Variants in ELAVL4 observed in about 807,000 individuals in gnomAD.
The protein encoded by ELAVL4 is ELAV-like protein 4.
A neutral mutation model predicts 35.6 loss-of-function variants in ELAVL4; 1 was observed. That is an observed-to-expected ratio of 0.03 (90% confidence interval 0.01 to 0.13). The LOEUF is 0.13. Among genes scored for constraint, ELAVL4 ranks in the 10% least tolerant of loss-of-function variants. The pLI, the probability that ELAVL4 is intolerant of heterozygous loss-of-function variation, is 1.00. For synonymous variants in ELAVL4, 156 were observed against 171.0 expected (o/e 0.91, Z 0.69); for missense variants, 267 against 464.9 (o/e 0.57, Z 3.91).
chr1:50,055,682 T>C (rs1484968757), intron 1 of ELAVL4, among the ~76,000 whole-genome samples: 1 of 151,924 alleles, frequency 6.6e-6, no homozygotes, highest in Non-Finnish European at 1.5e-5. Context: ...CCTTCAAAAT[T>C]CTATATAGGC....
chr1:50,127,314 G>C (rs1670104243), intron 1 of ELAVL4, among the ~76,000 whole-genome samples: 1 of 152,082 alleles, frequency 6.6e-6, no homozygotes, highest in Admixed American at 6.5e-5. Context: ...CTGTCAGTGG[G>C]GAGACAGGCA....
upstream of ELAVL4, chr1:50,104,111 C>A: frequency 8.7e-7 from 1 of 1,151,638 alleles, no homozygotes; most frequent in Non-Finnish European, 1.3e-6. Context: ...CTTAAAAACC[C>A]GCTTCATCTT....
chr1:50,117,469 G>A (rs535407192), intron 1 of ELAVL4, among the ~76,000 whole-genome samples: 64 of 152,244 alleles, frequency 4.2e-4, no homozygotes, highest in African/African-American at 1.5e-3. Context: ...ACTGGCAAGT[G>A]CAAAGGACTT....
chr1:50,058,257 A>G (rs1485650251), intron 1 of ELAVL4, among the ~76,000 whole-genome samples: 4 of 152,188 alleles, frequency 2.6e-5, no homozygotes, highest in Non-Finnish European at 4.4e-5. Flanking sequence ...ACAGATTTAA[A>G]TTTACAAAAC....
intron 1 of ELAVL4, among the ~76,000 whole-genome samples, chr1:50,088,607 A>C (rs757948804): frequency 6.6e-6 from 1 of 152,192 alleles, no homozygotes. Context: ...GAGATCTAAA[A>C]ATGTGTGGTC....
chr1:50,085,812 CT>C (rs2148500556), intron 1 of ELAVL4, among the ~76,000 whole-genome samples: 1 of 152,312 alleles, frequency 6.6e-6, no homozygotes, highest in South Asian at 2.1e-4. Context: ...CAATATAAAG[CT>C]CTTGAACCTG....
At chr1:50,145,428 A>G (rs1428572303) in intron 2 of ELAVL4, among the ~76,000 whole-genome samples, 1 of 152,102 alleles carries the variant, frequency 6.6e-6, no homozygotes, top group Non-Finnish European at 1.5e-5. Context: ...ATGTAAAATG[A>G]TCCTTTGATT....
chr1:50,117,262 C>T (rs191795985), intron 1 of ELAVL4, among the ~76,000 whole-genome samples: 2 of 152,192 alleles, frequency 1.3e-5, no homozygotes, highest in Admixed American at 6.5e-5. Context: ...TCAGATGGGG[C>T]TAAAAACATA....
At chr1:50,129,862 G>A (rs1485556841) in intron 1 of ELAVL4, among the ~76,000 whole-genome samples, 2 of 152,168 alleles carry the variant, frequency 1.3e-5, no homozygotes, top group Non-Finnish European at 1.5e-5. Flanking sequence ...CAAGGAAAAT[G>A]AACATGTACT....
At chr1:50,147,731 C>T (rs1220600347) in intron 2 of ELAVL4, among the ~76,000 whole-genome samples, 1 of 152,098 alleles carries the variant, frequency 6.6e-6, no homozygotes, top group African/African-American at 2.4e-5. Flanking sequence ...GATCTCAATG[C>T]ATCTCGATCC....
chr1:50,191,622 G>T (rs1225938689), intron 3 of ELAVL4, among the ~76,000 whole-genome samples: 1 of 152,130 alleles, frequency 6.6e-6, no homozygotes, highest in Non-Finnish European at 1.5e-5. Context: ...TAGATGGAGA[G>T]GTGGTCAGTT....
intron 1 of ELAVL4, among the ~76,000 whole-genome samples, chr1:50,081,417 T>C (rs545379232): frequency 6.6e-6 from 1 of 152,338 alleles, no homozygotes; most frequent in South Asian, 2.1e-4. Context: ...TAGCTTTCAC[T>C]AGCACTTTAA....
intron 2 of ELAVL4, among the ~76,000 whole-genome samples, chr1:50,175,150 C>A (rs931516387): frequency 2.6e-5 from 4 of 151,996 alleles, no homozygotes; most frequent in African/African-American, 9.7e-5. Context: ...TTTTGTACAG[C>A]AATTTTTAAA....
upstream of ELAVL4, among the ~76,000 whole-genome samples, chr1:50,099,025 A>G (rs1438553042): frequency 2.6e-5 from 4 of 152,238 alleles, no homozygotes; most frequent in East Asian, 1.9e-4. Flanking sequence ...GCTTTTTATA[A>G]TAAGTCAGCA....
chr1:50,119,199 GGTGT>G (rs1407340724), intron 1 of ELAVL4, among the ~76,000 whole-genome samples: 1 of 152,104 alleles, frequency 6.6e-6, no homozygotes, highest in African/African-American at 2.4e-5. Flanking sequence ...GGATTTTGCA[GGTGT>G]GTGTCTATAC....
At chr1:50,053,893 A>G (rs1663526788) in intron 1 of ELAVL4, among the ~76,000 whole-genome samples, 1 of 152,246 alleles carries the variant, frequency 6.6e-6, no homozygotes, top group East Asian at 1.9e-4. Flanking sequence ...TCTTGAATAC[A>G]GTAGGCCTCA....
Position 50,201,316 on chromosome 1 carries a change from T to C in ELAVL4, c.*138T>C. On this transcript the variant is annotated 3_prime_UTR_variant, in exon 7 of 7. Coordinates refer to ENST00000371824, the MANE Select transcript of ELAVL4 (RefSeq NM_001144774.3). The surrounding 1 kb of genome is among the most constrained non-coding windows in gnomAD (Gnocchi z 4.3). ...TTCAACCATGGACTTTATAAGCCAG[T>C]GTTGCCTAAGTATTAAAACATTGGA... 1 of 1,071,798 alleles carries C rather than the reference T, an allele frequency of 9.3e-7. No homozygotes were observed. The highest frequency in any genetic ancestry group is 1.3e-6 in the Non-Finnish European group (1 of 794,456). The allele number at this position is 1,071,798 out of a possible 1,614,324, so 66.4% of individuals were successfully genotyped here. A position where few individuals can be genotyped will look rare whatever the true frequency, so the allele number is the denominator to read the frequency against.
At chr1:50,166,675 C>A (rs1042016587) in intron 2 of ELAVL4, among the ~76,000 whole-genome samples, 1 of 152,120 alleles carries the variant, frequency 6.6e-6, no homozygotes, top group African/African-American at 2.4e-5. Flanking sequence ...TTGTAGCTTC[C>A]CATTGACCTT....
chr1:50,139,197 A>G (rs1011085485), intron 1 of ELAVL4, among the ~76,000 whole-genome samples: 4 of 152,174 alleles, frequency 2.6e-5, no homozygotes, highest in African/African-American at 9.7e-5. Flanking sequence ...AAGCTAATGG[A>G]CATGTAAGGA....
Sources: allele counts gnomAD v4.1 joint callset (sites outside exome capture counted in the v4.1 genomes callset), GRCh38; gene constraint gnomAD v4.1.1; non-coding constraint Gnocchi (gnomAD v3.1); transcripts MANE v1.5; gene names NCBI Gene and HGNC (gene_info 2026-07-23, HGNC 2026-07-21).